C6orf120: variants seen among roughly 807,000 people sequenced by gnomAD.
The protein encoded by C6orf120 is UPF0669 protein C6orf120.
For missense variants in C6orf120, 311 were observed against 264.2 expected, an observed-to-expected ratio of 1.18 and a Z score of -1.23; for synonymous variants, 165 against 123.1, an observed-to-expected ratio of 1.34 and a Z score of -2.25.
downstream of C6orf120, among the ~76,000 whole-genome samples, chr6:169,706,011 A>G (rs1788773907): frequency 1.3e-5 from 2 of 152,230 alleles, no homozygotes; most frequent in Admixed American, 1.3e-4. Context: ...ATGGAAGGAA[A>G]GACTAAATAC....
At chr6:169,705,886 C>G (rs952626674), downstream of C6orf120, among the ~76,000 whole-genome samples, 1 of 152,168 alleles carries the variant, frequency 6.6e-6, no homozygotes, top group Admixed American at 6.5e-5. Context: ...CAATGTAAGA[C>G]TGCCTACTGA....
downstream of C6orf120, chr6:169,704,990 A>C: frequency 1.9e-6 from 1 of 530,654 alleles, no homozygotes; most frequent in South Asian, 4.2e-5. Context: ...GGTGGACATG[A>C]CCTGTATAAT....
At chr6:169,704,087 A>G in exon 1 of C6orf120, 1 of 1,575,526 alleles carries the variant, frequency 6.3e-7, no homozygotes, top group Non-Finnish European at 8.6e-7. Flanking sequence ...AAATCCAGCG[A>G]CCTAGGAAAA....
At chr6:169,705,392 G>A (rs1788746717), downstream of C6orf120, 1 of 1,073,008 alleles carries the variant, frequency 9.3e-7, no homozygotes, top group Non-Finnish European at 1.4e-6. Context: ...TAAAATACTA[G>A]TTTGCTTTAG....
At chr6:169,705,498 T>G, downstream of C6orf120, 3 of 738,132 alleles carry the variant, frequency 4.1e-6, no homozygotes, top group South Asian at 4.9e-5. Context: ...CCTCACAAGC[T>G]ACCCTGTGTA....
chr6:169,703,937 T>C (rs1788646258), exon 1 of C6orf120: 2 of 1,273,346 alleles, frequency 1.6e-6, no homozygotes, highest in East Asian at 5.3e-5. Flanking sequence ...GGCATGAAAA[T>C]AATGTTGTAA....
At chr6:169,705,666 T>C (rs1212956484), downstream of C6orf120, 6 of 1,593,562 alleles carry the variant, frequency 3.8e-6, no homozygotes, top group Non-Finnish European at 5.2e-6. Flanking sequence ...CTTTCCTTTC[T>C]TGTTGGACTC....
chr6:169,702,659 T>G (rs760302593), exon 1 of C6orf120: 3 of 1,613,420 alleles, frequency 1.9e-6, no homozygotes, highest in South Asian at 1.1e-5. Flanking sequence ...AAGATAGTCC[T>G]CAGGATGCGC....
exon 1 of C6orf120, chr6:169,703,097 T>G (rs553085778): frequency 1.4e-6 from 2 of 1,475,802 alleles, no homozygotes; most frequent in Admixed American, 4.2e-5. Context: ...CAGTTTGCTG[T>G]GAACCTTGCT....
At chr6:169,702,228 C>T (rs916459642) in exon 1 of C6orf120, 2 of 688,632 alleles carry the variant, frequency 2.9e-6, no homozygotes, top group African/African-American at 3.5e-5. Flanking sequence ...CGGCCCTGCC[C>T]CTGCCCCTGC....
exon 1 of C6orf120, chr6:169,704,827 AATAG>A (rs1292389039): frequency 8.3e-6 from 2 of 241,776 alleles, no homozygotes; most frequent in African/African-American, 2.3e-5. Flanking sequence ...GTTGTTTCTA[AATAG>A]ATAACATATA....
chr6:169,704,586 A>T (rs1788706794), exon 1 of C6orf120: 1 of 169,876 alleles, frequency 5.9e-6, no homozygotes, highest in Admixed American at 6.5e-5. Flanking sequence ...TTGCTTGCTT[A>T]ATGATTCCCA....
exon 1 of C6orf120, chr6:169,702,642 C>G (rs370267053): frequency 3.1e-6 from 5 of 1,613,278 alleles, no homozygotes; most frequent in African/African-American, 2.7e-5. Context: ...GGCTGAACCA[C>G]GAGGGCAAGA....
At position 169,702,691 on chromosome 6, in the gene C6orf120, C is replaced by T. The variant is rs746132109; in HGVS notation, c.232C>T (p.Leu78=). The T allele has an allele frequency of 5.0e-6, 8 of 1,613,372 alleles. No homozygotes were observed. The East Asian group carries it at 1.3e-4, about 27-fold the overall frequency. ...GCGCAGCCTCAAGGGAGATGCGGAT[C>T]TGTACGTCTCCGCCAGCAGCCTGCA... is the stretch of plus-strand genomic sequence containing the variant. Residue 78 remains leucine (L), a synonymous_variant, in exon 1 of 1, where the codon CTG becomes TTG. Coordinates refer to ENST00000332290, the Ensembl canonical transcript of C6orf120.
In C6orf120 at chr6:169,703,981, A is replaced by G. The variant is rs760546613; in HGVS notation, c.*946A>G. On this transcript the variant is annotated 3_prime_UTR_variant, in exon 1 of 1. Transcript: ENST00000332290. ...AAATATTCCACTTAAATGCATATAC[A>G]GTATTAGAGTCAAAAACTATTTTAT... 8 of 1,530,256 alleles carry G rather than the reference A, an allele frequency of 5.2e-6. No homozygotes were observed. In the South Asian group the frequency reaches 9.9e-5, roughly 19 times the overall value. The allele number at this position is 1,530,256 out of a possible 1,614,324, so 94.8% of individuals were successfully genotyped here.
At chr6:169,703,135 C>CT in exon 1 of C6orf120, 1 of 1,270,556 alleles carries the variant, frequency 7.9e-7, no homozygotes, top group Non-Finnish European at 1.1e-6. Context: ...GTTCTAGGTA[C>CT]CTTTAGTCAA....
chr6:169,702,407 G>A lies in C6orf120; in HGVS notation c.-53G>A, dbSNP rs1383360458. 5 of 1,135,740 alleles carry A rather than the reference G, an allele frequency of 4.4e-6. No individual in the cohort carries two copies. Among genetic ancestry groups the A allele is most frequent in the African/African-American group, 1.6e-5 (1 of 64,490 alleles). 70.4% of individuals were successfully genotyped at this position (1,135,740 alleles called of 1,614,324 possible). ...CAGGCTCCGGTGCTGAGCGCCTCCG[G>A]TGTCCCCAGCAGCACTGACCCACTT... On this transcript the variant is annotated 5_prime_UTR_variant, in exon 1 of 1. It adds an upstream start codon to the 5' untranslated region. Transcript: ENST00000332290.
downstream of C6orf120, chr6:169,705,291 T>G: frequency 6.2e-7 from 1 of 1,612,414 alleles, no homozygotes; most frequent in South Asian, 1.1e-5. Flanking sequence ...AGAAACAAGC[T>G]CCATTGTCAT....
exon 1 of C6orf120, chr6:169,704,378 A>G (rs1788697817): frequency 2.8e-6 from 1 of 359,666 alleles, no homozygotes; most frequent in Non-Finnish European, 5.2e-6. Context: ...AAACACTATC[A>G]TACTTCAAAA....
Sources: gnomAD v4.1 joint callset for allele counts (sites outside exome capture counted in the v4.1 genomes callset) on GRCh38, gnomAD v4.1.1 for gene constraint, MANE v1.5 for transcripts, NCBI Gene and HGNC (gene_info 2026-07-23, HGNC 2026-07-21) for gene names.